The following PC variants were observed in gnomAD, a reference collection of about 807,000 sequenced individuals.
PC encodes pyruvate carboxylase, mitochondrial.
In PC, 46 loss-of-function variants were observed where a neutral mutation model predicts 107.8. That is an observed-to-expected ratio of 0.43 (90% confidence interval 0.34 to 0.55). The LOEUF (loss-of-function observed/expected upper bound fraction) is 0.55, where lower values mean the gene tolerates loss of function less well. Ranked by LOEUF, PC falls within the 20% of genes least tolerant of loss-of-function variation. The pLI is 0.04. For synonymous variants in PC, 662 were observed against 684.7 expected (o/e 0.97, Z 0.52); for missense variants, 1,241 against 1,643.1 (o/e 0.76, Z 4.23).
At chr11:66,854,180 C>T (rs1945671753) in intron 12 of PC, among the ~76,000 whole-genome samples, 2 of 152,354 alleles carry the variant, frequency 1.3e-5, no homozygotes, top group Middle Eastern at 6.8e-3. Context: ...CTTGTGACCT[C>T]TTCTCCATCT....
chr11:66,903,752 GAAA>G (rs1175402409), intron 3 of PC, among the ~76,000 whole-genome samples: 38 of 76,188 alleles, frequency 5.0e-4, no homozygotes, highest in African/African-American at 2.6e-3. Context: ...TCCATCTCAG[GAAA>G]AAAAAAAAAA....
chr11:66,949,562 G>A (rs1591318829), intron 3 of PC, among the ~76,000 whole-genome samples: 2 of 152,016 alleles, frequency 1.3e-5, no homozygotes, highest in African/African-American at 2.4e-5. Flanking sequence ...CATGGTGGCG[G>A]GCGCCTGTAA....
chr11:66,957,541 G>C (rs1949595362), intron 1 of PC, among the ~76,000 whole-genome samples: 1 of 152,182 alleles, frequency 6.6e-6, no homozygotes, highest in Non-Finnish European at 1.5e-5. Context: ...GCTTGAGCCC[G>C]GGAGGTCGAG....
chr11:66,898,082 C>T (rs1241363450), intron 3 of PC, among the ~76,000 whole-genome samples: 1 of 152,162 alleles, frequency 6.6e-6, no homozygotes, highest in Non-Finnish European at 1.5e-5. Flanking sequence ...AGTACAGTTC[C>T]AAAAATGTTT....
intron 3 of PC, among the ~76,000 whole-genome samples, chr11:66,876,153 C>T (rs541660906): frequency 3.9e-5 from 6 of 152,246 alleles, no homozygotes; most frequent in South Asian, 4.1e-4. Context: ...CAGGGGACAA[C>T]GATACAATTT....
At chr11:66,887,904 C>G (rs903453980) in intron 3 of PC, among the ~76,000 whole-genome samples, 2 of 152,266 alleles carry the variant, frequency 1.3e-5, no homozygotes, top group Non-Finnish European at 2.9e-5. Flanking sequence ...CTCCGAGGGC[C>G]TGCAACGAAT....
Position 66,857,839 on chromosome 11 carries a change from C to A in PC, c.1369-4456G>T. 1 of 1,606,804 alleles carries A rather than the reference C, an allele frequency of 6.2e-7. No homozygotes were observed. On this transcript the variant is annotated intron_variant, in intron 12 of 22. Coordinates refer to ENST00000393960, the MANE Select transcript of PC (RefSeq NM_001040716.2). This position sits in a 1 kb window ranked among gnomAD's most constrained non-coding sequence, Gnocchi z 7.1. The stretch of plus-strand genomic sequence containing the variant: ...CAGAACCTGTCCGAGTCGCTCAGCA[C>A]CCTCTGTGCCCACCGAGGCCTGCTG...
rs879533071 is a variant in PC at position 66,928,493 on chromosome 11, C to CA, written c.-1+23936dup. ...GGGGTGTTCAGTCTACCTAGTAGTG[C>CA]AAAAAAAAAAATAATGTGAGCATTA... On this transcript the variant is annotated intron_variant, in intron 3 of 22. Coordinates refer to ENST00000393960, the MANE Select transcript of PC (RefSeq NM_001040716.2). 6.7e-3 allele frequency among the ~76,000 whole-genome samples: 944 copies of CA among 141,946 alleles called. 6 individuals are homozygous for CA. Among genetic ancestry groups the CA allele is most frequent in the African/African-American group, 0.02 (782 of 38,754 alleles). 93.1% of individuals were successfully genotyped at this position (141,946 alleles called of 152,430 possible). A position where few individuals can be genotyped will look rare whatever the true frequency, so the allele number is the denominator to read the frequency against.
Position 66,851,021 on chromosome 11 carries a change from G to C in PC, c.2223+19C>G, listed in dbSNP as rs45457699. On this transcript the variant is annotated intron_variant, in intron 17 of 22. Coordinates refer to ENST00000393960, the MANE Select transcript of PC (RefSeq NM_001040716.2). ...ATGGCCGGGGCAGAGAGGGAGGGAC[G>C]GACAAGTGGCCCAGGCACCTTGATG... 1.2e-6 allele frequency: 2 copies of C among 1,611,800 alleles called. No homozygotes were observed. The highest frequency in any genetic ancestry group is 4.5e-5 in the East Asian group (2 of 44,870).
Position 66,868,089 on chromosome 11 carries a change from C to T in PC, c.1022+757G>A, listed in dbSNP as rs79339275. Among the ~76,000 whole-genome samples the T allele has an allele frequency of 3.3e-5, 5 of 152,364 alleles. No individual in the cohort carries two copies. In the East Asian group the frequency reaches 9.6e-4, roughly 29 times the overall value. On this transcript the variant is annotated intron_variant, in intron 10 of 22. Transcript: ENST00000393960. ...TCATCCTCAGTGCCTGCAGGGAGCA[C>T]GCTAGTGCCACCTCTCTAGAGGGCT... is the stretch of plus-strand genomic sequence containing the variant.
At chr11:66,914,187 T>C (rs1052369071) in intron 3 of PC, among the ~76,000 whole-genome samples, 2 of 152,012 alleles carry the variant, frequency 1.3e-5, no homozygotes, top group African/African-American at 4.8e-5. Context: ...TCTCTCTCCA[T>C]AAGGTCAACA....
rs943622927 is a variant in PC, at chr11:66,870,917, C to T, written c.634-25G>A. 1 of 1,607,036 alleles carries T rather than the reference C, an allele frequency of 6.2e-7. No homozygotes were observed. The highest frequency in any genetic ancestry group is 8.5e-7 in the Non-Finnish European group (1 of 1,176,294). On this transcript the variant is annotated intron_variant, in intron 7 of 22. Transcript: ENST00000393960. This position sits in a 1 kb window ranked among gnomAD's most constrained non-coding sequence, Gnocchi z 6.1. The stretch of plus-strand genomic sequence containing the variant: ...CCTGCGAGGGCGGGCAGGGGCCAGC[C>T]AGACCTCAGACCCCACAGCGCTACC...
chr11:66,915,407 C>T (rs1948441369), intron 3 of PC, among the ~76,000 whole-genome samples: 1 of 152,220 alleles, frequency 6.6e-6, no homozygotes, highest in African/African-American at 2.4e-5. Context: ...GAATGGCCTT[C>T]TGCCAGTCCC....
At chr11:66,876,219 G>C (rs1946972401) in intron 3 of PC, among the ~76,000 whole-genome samples, 1 of 152,152 alleles carries the variant, frequency 6.6e-6, no homozygotes, top group South Asian at 2.1e-4. Context: ...TCCTGATCTT[G>C]ATCAGTGGAC....
intron 3 of PC, among the ~76,000 whole-genome samples, chr11:66,893,623 T>C (rs1591240944): frequency 6.6e-6 from 1 of 152,330 alleles, no homozygotes; most frequent in East Asian, 1.9e-4. Context: ...TGGAAAATTA[T>C]TCTTTTGTCT....
At chr11:66,915,402 G>T (rs1948441160) in intron 3 of PC, among the ~76,000 whole-genome samples, 2 of 152,348 alleles carry the variant, frequency 1.3e-5, no homozygotes, top group South Asian at 4.1e-4. Context: ...ACAGGGAATG[G>T]CCTTCTGCCA....
At chr11:66,947,835 C>A (rs551297667) in intron 3 of PC, among the ~76,000 whole-genome samples, 2 of 150,686 alleles carry the variant, frequency 1.3e-5, no homozygotes, top group African/African-American at 2.4e-5. Flanking sequence ...TGGTGGTGGG[C>A]GCCTCTAGTC....
chr11:66,901,107 C>T (rs1220490996), intron 3 of PC, among the ~76,000 whole-genome samples: 2 of 152,196 alleles, frequency 1.3e-5, no homozygotes, highest in Non-Finnish European at 2.9e-5. Context: ...ATCCCCCCTG[C>T]TTTCCACACC....
chr11:66,858,583 C>T lies in PC; in HGVS notation c.1368+5191G>A. 2.6e-6 allele frequency: 4 copies of T among 1,532,926 alleles called. No homozygotes were observed. The highest frequency in any genetic ancestry group is 3.5e-6 in the Non-Finnish European group (4 of 1,143,634). 95.0% of individuals were successfully genotyped at this position (1,532,926 alleles called of 1,614,324 possible). A position where few individuals can be genotyped will look rare whatever the true frequency, so the allele number is the denominator to read the frequency against. ...CCCGAGGGCGAGTTCTCCTGTGAGCCGCCCCTCATTGCCCGCCACACGCAG... is the reference window on the plus strand; with the variant it reads ...CCCGAGGGCGAGTTCTCCTGTGAGCTGCCCCTCATTGCCCGCCACACGCAG... On this transcript the variant is annotated intron_variant, in intron 12 of 22. Transcript: ENST00000393960. This position sits in a 1 kb window ranked among gnomAD's most constrained non-coding sequence, Gnocchi z 5.9.
Sources: gnomAD v4.1 joint callset for allele counts (sites outside exome capture counted in the v4.1 genomes callset) on GRCh38, gnomAD v4.1.1 for gene constraint, Gnocchi (gnomAD v3.1) non-coding constraint, MANE v1.5 for transcripts, NCBI Gene and HGNC (gene_info 2026-07-23, HGNC 2026-07-21) for gene names.